The following SLC4A1AP variants were observed in gnomAD, a reference collection of about 807,000 sequenced individuals.
The protein encoded by SLC4A1AP is solute carrier family 4 member 1 adaptor protein, also known as kanadaptin.
SLC4A1AP carries 64 observed loss-of-function variants against 89.7 expected under a neutral mutation model. The observed-to-expected ratio is 0.71, with a 90% CI of 0.58 to 0.88. The LOEUF (loss-of-function observed/expected upper bound fraction) is 0.88, where lower values mean the gene tolerates loss of function less well. Ranked by LOEUF, SLC4A1AP falls within the 40% of genes least tolerant of loss-of-function variation. The pLI is 0.00. For synonymous variants in SLC4A1AP, 366 were observed against 353.3 expected, an observed-to-expected ratio of 1.04 and a Z score of -0.40; for missense variants, 931 against 965.0, an observed-to-expected ratio of 0.96 and a Z score of 0.47.
intron 6 of SLC4A1AP, among the ~76,000 whole-genome samples, chr2:27,676,292 C>T (rs1424916515): frequency 5.3e-5 from 8 of 152,138 alleles, no homozygotes; most frequent in Non-Finnish European, 7.3e-5. Context: ...CGACATCTGT[C>T]AGTATTAAAA....
At chr2:27,693,509 T>C (rs1230076163) in intron 12 of SLC4A1AP, 176 bp from the exon 13 acceptor site, 1 of 575,848 alleles carries the variant, frequency 1.7e-6, no homozygotes, top group Non-Finnish European at 3.1e-6. Context: ...TGTGCTTGTC[T>C]GAAAAAGACT....
At chr2:27,693,652 T>C in intron 12 of SLC4A1AP, 33 bp from the exon 13 acceptor site, 1 of 1,544,572 alleles carries the variant, frequency 6.5e-7, no homozygotes, top group Non-Finnish European at 8.8e-7. Context: ...AGAGAAATTC[T>C]TGTGAATAAA....
intron 2 of SLC4A1AP, among the ~76,000 whole-genome samples, chr2:27,666,890 A>G (rs1053172894): frequency 1.4e-5 from 2 of 147,242 alleles, no homozygotes; most frequent in Non-Finnish European, 3.0e-5. Flanking sequence ...TTTTTGGGAG[A>G]CGGTCTCACT....
chr2:27,675,844 G>T (rs1385608309), intron 6 of SLC4A1AP, 152 bp downstream of exon 6: 1 of 500,554 alleles, frequency 2.0e-6, no homozygotes, highest in Non-Finnish European at 3.2e-6. Flanking sequence ...TTAATTTAAT[G>T]GTAACAGACA....
In SLC4A1AP at chr2:27,688,117, G is replaced by A. The variant is rs896822871; in HGVS notation, c.2203+97G>A. On this transcript the variant is annotated intron_variant, in intron 11 of 13. Transcript: ENST00000613058. Reference sequence around the variant, plus strand: ...GCAGCTGACCTGAAGGCAGCACAGAGAATGGTCCTTTAGTTATGTTGCCAC... The same window carrying A: ...GCAGCTGACCTGAAGGCAGCACAGAAAATGGTCCTTTAGTTATGTTGCCAC... 15 of 936,918 alleles carry A rather than the reference G, an allele frequency of 1.6e-5. No homozygotes were observed. The African/African-American group carries it at 1.7e-4, about 10-fold the overall frequency. 58.0% of individuals were successfully genotyped at this position (936,918 alleles called of 1,614,324 possible).
At chr2:27,688,819 A>G in intron 12 of SLC4A1AP, 52 bp downstream of exon 12, 1 of 1,353,500 alleles carries the variant, frequency 7.4e-7, no homozygotes, top group East Asian at 2.3e-5. Context: ...GTCATGGACC[A>G]CATCCAGAAA....
exon 9 of SLC4A1AP, chr2:27,682,356 A>T (rs1332824492): frequency 6.3e-7 from 1 of 1,598,566 alleles, no homozygotes; most frequent in South Asian, 1.1e-5. Flanking sequence ...CTGGAACAGT[A>T]GGGGTAAGTT....
At chr2:27,685,309 C>A in intron 10 of SLC4A1AP, 32 bp downstream of exon 10, 1 of 1,576,480 alleles carries the variant, frequency 6.3e-7, no homozygotes, top group South Asian at 1.2e-5. Flanking sequence ...CTGTGTTGTT[C>A]AGTGGGCAGT....
exon 1 of SLC4A1AP, chr2:27,664,298 C>A (rs765503277): frequency 6.2e-7 from 1 of 1,614,220 alleles, no homozygotes; most frequent in Non-Finnish European, 8.5e-7. Context: ...GCACCCGTAG[C>A]TTGAAAGGGA....
chr2:27,692,214 T>C (rs1675799790), intron 12 of SLC4A1AP: 2 of 152,228 alleles, frequency 1.3e-5, no homozygotes, highest in African/African-American at 2.4e-5. Context: ...CTATTATTTA[T>C]TTTGAAGAAT....
At chr2:27,684,809 G>T (rs1356656585) in intron 9 of SLC4A1AP, among the ~76,000 whole-genome samples, 1 of 152,140 alleles carries the variant, frequency 6.6e-6, no homozygotes, top group East Asian at 1.9e-4. Context: ...ATTTTCAAGT[G>T]TTTTGTATTT....
intron 4 of SLC4A1AP, 93 bp from the exon 5 acceptor site, chr2:27,669,155 T>TAAAA (rs906963886): frequency 8.8e-7 from 1 of 1,132,040 alleles, no homozygotes. Context: ...AAAGGCCATC[T>TAAAA]AAAAAAAAAA....
chr2:27,667,069 C>G (rs949870450), intron 2 of SLC4A1AP, among the ~76,000 whole-genome samples, 199 bp from the exon 3 acceptor site: 17 of 151,966 alleles, frequency 1.1e-4, no homozygotes, highest in Non-Finnish European at 2.2e-4. Context: ...TGGGGTTTCA[C>G]CATGTTGGCC....
At chr2:27,673,220 A>G (rs892065829) in intron 5 of SLC4A1AP, among the ~76,000 whole-genome samples, 1 of 152,020 alleles carries the variant, frequency 6.6e-6, no homozygotes, top group Non-Finnish European at 1.5e-5. Flanking sequence ...TTTAGGATTT[A>G]TCTTTTTAAA....
exon 9 of SLC4A1AP, chr2:27,682,353 A>C: frequency 6.3e-7 from 1 of 1,598,994 alleles, no homozygotes; most frequent in Non-Finnish European, 8.6e-7. Context: ...AAACTGGAAC[A>C]GTAGGGGTAA....
intron 12 of SLC4A1AP, among the ~76,000 whole-genome samples, chr2:27,689,420 TAC>T (rs1340712484): frequency 1.3e-5 from 2 of 152,124 alleles, no homozygotes; most frequent in Non-Finnish European, 2.9e-5. Flanking sequence ...TATGATATAC[TAC>T]AGCAAAAGGA....
At chr2:27,688,724 G>A (rs768338918) in exon 12 of SLC4A1AP, 7 of 1,604,300 alleles carry the variant, frequency 4.4e-6, no homozygotes, top group East Asian at 2.2e-5. Flanking sequence ...TATGAGAAAA[G>A]CAGAGGTGAA....
At chr2:27,688,729 G>A in exon 12 of SLC4A1AP, 2 of 1,603,700 alleles carry the variant, frequency 1.2e-6, no homozygotes, top group Non-Finnish European at 1.7e-6. Flanking sequence ...GAAAAGCAGA[G>A]GTGAATTGAA....
chr2:27,665,105 A>C, exon 2 of SLC4A1AP: 1 of 1,610,450 alleles, frequency 6.2e-7, no homozygotes, highest in Non-Finnish European at 8.5e-7. Context: ...ATCAGGGACC[A>C]GAGGAAGACC....
Sources: allele counts gnomAD v4.1 joint callset (sites outside exome capture counted in the v4.1 genomes callset), GRCh38; gene constraint gnomAD v4.1.1; transcripts MANE v1.5; gene names NCBI Gene and HGNC (gene_info 2026-07-23, HGNC 2026-07-21).